Variants in PUM2 observed in about 807,000 individuals in gnomAD.
PUM2 encodes pumilio homolog 2.
Under a neutral mutation model 124.5 loss-of-function variants are expected in PUM2, and 57 were observed. The observed-to-expected ratio is 0.46, with a 90% CI of 0.37 to 0.57. The LOEUF is 0.57. PUM2 is among the 20% of genes least tolerant of loss of function. PUM2 has a pLI of 0.00. For synonymous variants in PUM2, 460 were observed against 446.1 expected (o/e 1.03, Z -0.39); for missense variants, 1,065 against 1,290.6 (o/e 0.83, Z 2.68).
chr2:20,251,786 C>T, intron 20 of PUM2, 70 bp from the exon 21 acceptor site: 2 of 1,540,168 alleles, frequency 1.3e-6, no homozygotes, highest in East Asian at 2.3e-5. Context: ...AAAGCACCCC[C>T]AATTCTGGGT....
chr2:20,280,836 T>C (rs1351021671), intron 12 of PUM2, among the ~76,000 whole-genome samples: 1 of 152,164 alleles, frequency 6.6e-6, no homozygotes, highest in Non-Finnish European at 1.5e-5. Context: ...AAACTTTCAA[T>C]TGTAACAACA....
In PUM2 at chr2:20,274,245, CAG is replaced by C. The variant is rs1669671804; in HGVS notation, c.1957+4336_1957+4337del. 2.0e-5 allele frequency among the ~76,000 whole-genome samples: 3 copies of C among 152,224 alleles called. No individual in the cohort carries two copies. In the South Asian group the frequency reaches 6.2e-4, roughly 32 times the overall value. On this transcript the variant is annotated intron_variant, in intron 13 of 20. Coordinates refer to ENST00000361078, the MANE Select transcript of PUM2 (RefSeq NM_015317.5). Reference sequence around the variant, plus strand: ...AAAACTATCGAATGCTATTCAGTTACAGAGAACTGTAACTGCTAAAGGATAAC... The same window carrying C: ...AAAACTATCGAATGCTATTCAGTTACAGAACTGTAACTGCTAAAGGATAAC...
intron 14 of PUM2, among the ~76,000 whole-genome samples, chr2:20,262,403 G>T (rs1324514657): frequency 6.7e-6 from 1 of 150,096 alleles, no homozygotes; most frequent in Non-Finnish European, 1.5e-5. Flanking sequence ...AATGCCTACA[G>T]TATTCAGTAC....
intron 17 of PUM2, among the ~76,000 whole-genome samples, chr2:20,255,677 A>G (rs1286797601): frequency 1.3e-5 from 2 of 152,236 alleles, no homozygotes; most frequent in African/African-American, 4.8e-5. Context: ...TGTATTAGTT[A>G]CAAATTGCTA....
At chr2:20,287,674 G>T (rs1673051442) in intron 10 of PUM2, among the ~76,000 whole-genome samples, 1 of 152,102 alleles carries the variant, frequency 6.6e-6, no homozygotes, top group Non-Finnish European at 1.5e-5. Flanking sequence ...AATTGCTTGA[G>T]GCCAGGAGTT....
rs764285529 is a variant in PUM2 at position 20,321,548 on chromosome 2, G to A, written c.52-2903C>T. ...TAGATACTGACTCAAATACTTTTAG[G>A]GGATCTACTAGCTGGTGACTAATAA... On this transcript the variant is annotated intron_variant, in intron 2 of 20. Coordinates refer to ENST00000361078, the MANE Select transcript of PUM2 (RefSeq NM_015317.5). Among the ~76,000 whole-genome samples the A allele has an allele frequency of 4.9e-4, 75 of 152,008 alleles. 1 individual carries two copies. Among genetic ancestry groups the A allele is most frequent in the Non-Finnish European group, 1.3e-4 (9 of 68,000 alleles).
intron 3 of PUM2, 62 bp downstream of exon 3, chr2:20,318,475 G>A (rs1681531659): frequency 3.6e-6 from 5 of 1,395,160 alleles, no homozygotes; most frequent in Non-Finnish European, 5.0e-6. Flanking sequence ...AAAAAAAGGT[G>A]CATTATGACT....
At chr2:20,321,486 T>A (rs550819525) in intron 2 of PUM2, among the ~76,000 whole-genome samples, 1 of 152,274 alleles carries the variant, frequency 6.6e-6, no homozygotes, top group South Asian at 2.1e-4. Flanking sequence ...ACCAAAGGCC[T>A]TCACTGATAT....
In PUM2 at chr2:20,311,545, AT is replaced by A; in HGVS notation, c.466del (p.Ile156Ter). ...TCCATTTGGCAAACCTCTGCCATTT[AT>A]TTTAGAATCATCATCATCTCCTTGT... is the stretch of plus-strand genomic sequence containing the variant. ...LKQGDDDDSKINGRGLPNGMD... is the reference protein window; with the variant it reads ...LKQGDDDDSKXNGRGLPNGMD... On this transcript the variant is annotated frameshift_variant, in exon 5 of 21. Transcript: ENST00000361078. LOFTEE classifies it high-confidence loss of function. The A allele has an allele frequency of 6.2e-7, 1 of 1,613,204 alleles. No individual in the cohort carries two copies. The highest frequency in any genetic ancestry group is 8.5e-7 in the Non-Finnish European group (1 of 1,179,554).
chr2:20,322,696 G>C (rs967972102), intron 2 of PUM2, among the ~76,000 whole-genome samples: 1 of 152,086 alleles, frequency 6.6e-6, no homozygotes, highest in Non-Finnish European at 1.5e-5. Context: ...CCAGACACTG[G>C]GGAGGCTGAT....
chr2:20,307,968 G>A lies in PUM2; in HGVS notation c.883+10C>T. 3.7e-6 allele frequency: 6 copies of A among 1,609,864 alleles called. No individual in the cohort carries two copies. Among genetic ancestry groups the A allele is most frequent in the Non-Finnish European group, 5.1e-6 (6 of 1,176,982 alleles). On this transcript the variant is annotated intron_variant, in intron 7 of 20. Coordinates refer to ENST00000361078, the MANE Select transcript of PUM2 (RefSeq NM_015317.5). ...GACTTTGGTCAAAATGAGAACGTAT[G>A]AAGACTCACCTATATGTGGCTGCTG...
chr2:20,260,251 G>A (rs1665851041), intron 15 of PUM2, 86 bp downstream of exon 15: 2 of 1,328,212 alleles, frequency 1.5e-6, no homozygotes, highest in Non-Finnish European at 1.0e-6. Flanking sequence ...ATATGAAAAT[G>A]ACTTTACCCA....
intron 14 of PUM2, 76 bp from the exon 15 acceptor site, chr2:20,260,542 T>G (rs1665928273): frequency 7.9e-7 from 1 of 1,263,006 alleles, no homozygotes; most frequent in Admixed American, 2.1e-5. Flanking sequence ...CTTCCACATA[T>G]ATGCACTGCA....
chr2:20,351,418 C>T (rs1356505964), upstream of PUM2, among the ~76,000 whole-genome samples: 2 of 152,210 alleles, frequency 1.3e-5, no homozygotes, highest in African/African-American at 4.8e-5. Context: ...CGTGGTTGCA[C>T]CCCAGGCAGG....
Position 20,290,684 on chromosome 2 carries a change from G to A in PUM2, c.1259C>T (p.Ala420Val), listed in dbSNP as rs776706808. 1 of 1,612,830 alleles carries A rather than the reference G, an allele frequency of 6.2e-7. No individual in the cohort carries two copies. Among genetic ancestry groups the A allele is most frequent in the South Asian group, 1.1e-5 (1 of 90,796 alleles). Residue 420 changes from alanine (A) to valine (V), a missense_variant, in exon 10 of 21, where the codon GCT becomes GTT. Physicochemically the swap from Ala to Val is moderately conservative, Grantham distance 64. This residue lies in a region of PUM2 where 968 missense variants were observed against 1,159.8 expected (regional missense o/e 0.83). Coordinates refer to ENST00000361078, the MANE Select transcript of PUM2 (RefSeq NM_015317.5). The stretch of plus-strand genomic sequence containing the variant: ...GCCAGTAGCAAGACCCTGACCAAAA[G>A]CCAATGTTGGATTTGCTGCTGCAGC... ...AAAAAANPTL[A>V]FGQGLATGMP... is the part of the protein sequence containing the mutation.
chr2:20,264,371 T>TATAC (rs1433117428), intron 13 of PUM2, among the ~76,000 whole-genome samples: 32 of 51,978 alleles, frequency 6.2e-4, no homozygotes, highest in African/African-American at 2.5e-3. Flanking sequence ...AAAAAAAATA[T>TATAC]ATATATATAT....
intron 1 of PUM2, among the ~76,000 whole-genome samples, chr2:20,331,124 G>C (rs1359833587): frequency 7.2e-6 from 1 of 139,744 alleles, no homozygotes; most frequent in Non-Finnish European, 1.6e-5. Context: ...AGACAACTTG[G>C]GGAGAGGAAA....
chr2:20,253,400 T>C (rs188769452), intron 20 of PUM2, among the ~76,000 whole-genome samples: 24 of 152,114 alleles, frequency 1.6e-4, no homozygotes, highest in African/African-American at 5.5e-4. Context: ...GAGATGGGGG[T>C]CTATGTTGTC....
At position 20,350,594 on chromosome 2, in the gene PUM2, T is replaced by C. The variant is rs1689162087; in HGVS notation, c.-19+3A>G. 1.0e-6 allele frequency: 1 copy of C among 985,266 alleles called. No individual in the cohort carries two copies. The highest frequency in any genetic ancestry group is 4.7e-5 in the South Asian group (1 of 21,284). The allele number at this position is 985,266 out of a possible 1,614,324, so 61.0% of individuals were successfully genotyped here. ...GAGAAAGAGCGAACGCGGACTGACT[T>C]ACAGGGCTGCTGCGGCCGCGCTGCC... is the stretch of plus-strand genomic sequence containing the variant. On this transcript the variant is annotated splice_donor_region_variant and intron_variant, in intron 1 of 20. Transcript: ENST00000361078.
Sources: allele counts gnomAD v4.1 joint callset (sites outside exome capture counted in the v4.1 genomes callset), GRCh38; gene constraint gnomAD v4.1.1; regional missense constraint gnomAD v4.1.1; transcripts MANE v1.5; gene names NCBI Gene and HGNC (gene_info 2026-07-23, HGNC 2026-07-21).